PTPDC1: variants seen among roughly 807,000 people sequenced by gnomAD.
The protein encoded by PTPDC1 is protein tyrosine phosphatase domain-containing protein 1.
A neutral mutation model predicts 75.3 loss-of-function variants in PTPDC1; 53 were observed. The ratio of observed to expected loss-of-function variants is 0.70; its 90% confidence interval spans 0.56 to 0.88. PTPDC1 has a LOEUF of 0.88. Ranked by LOEUF, PTPDC1 falls within the 40% of genes least tolerant of loss-of-function variation. The pLI, the probability that PTPDC1 is intolerant of heterozygous loss-of-function variation, is 0.00. For synonymous variants in PTPDC1, 349 were observed against 366.2 expected, an observed-to-expected ratio of 0.95 and a Z score of 0.54; for missense variants, 925 against 998.6, an observed-to-expected ratio of 0.93 and a Z score of 0.99.
intron 1 of PTPDC1, among the ~76,000 whole-genome samples, chr9:94,057,145 T>C (rs558659010): frequency 6.6e-6 from 1 of 152,300 alleles, no homozygotes; most frequent in East Asian, 1.9e-4. Flanking sequence ...CGATTACAGC[T>C]CACCGAGGTT....
At chr9:94,077,023 A>G (rs996714313) in intron 2 of PTPDC1, among the ~76,000 whole-genome samples, 1 of 152,252 alleles carries the variant, frequency 6.6e-6, no homozygotes, top group African/African-American at 2.4e-5. Flanking sequence ...TTTTTAAATT[A>G]TTGAGATATA....
At chr9:94,066,882 TA>T (rs942110117) in intron 2 of PTPDC1, among the ~76,000 whole-genome samples, 22 of 151,882 alleles carry the variant, frequency 1.4e-4, no homozygotes, top group Admixed American at 3.3e-4. Flanking sequence ...AAATAAAAAA[TA>T]AAAAAACTTT....
intron 2 of PTPDC1, among the ~76,000 whole-genome samples, chr9:94,075,404 C>T (rs915080169): frequency 2.0e-4 from 31 of 152,208 alleles, no homozygotes. Flanking sequence ...TCTCCATCCT[C>T]TCTGAAACTG....
upstream of PTPDC1, among the ~76,000 whole-genome samples, chr9:94,083,121 C>A (rs775498521): frequency 6.6e-6 from 1 of 152,184 alleles, no homozygotes; most frequent in Non-Finnish European, 1.5e-5. Flanking sequence ...ACACAGATAG[C>A]AAATACACAG....
chr9:94,098,215 G>T lies in PTPDC1; in HGVS notation c.1649G>T (p.Gly550Val). The T allele has an allele frequency of 6.2e-7, 1 of 1,614,194 alleles. No individual in the cohort carries two copies. Among genetic ancestry groups the T allele is most frequent in the Non-Finnish European group, 8.5e-7 (1 of 1,180,028 alleles). The change falls in exon 6 of 9, where the codon GGC becomes GTC. Residue 550 changes from glycine (G) to valine (V), a missense_variant. Physicochemically the swap from Gly to Val is moderately radical, Grantham distance 109. Coordinates refer to ENST00000620992, the MANE Select transcript of PTPDC1 (RefSeq NM_001253829.2). ...QSGAFSADVS[G>V]SHSPGEPVSP... ...GGAGCTTTCTCTGCAGATGTTTCAG[G>T]CTCACACAGCCCTGGGGAGCCAGTT...
At chr9:94,033,891 T>C (rs1005519786) in intron 1 of PTPDC1, among the ~76,000 whole-genome samples, 7 of 152,216 alleles carry the variant, frequency 4.6e-5, no homozygotes, top group Non-Finnish European at 8.8e-5. Context: ...TAGTTTCTTA[T>C]CAGGTTTTGC....
At chr9:94,051,476 A>G (rs1825790938) in intron 1 of PTPDC1, among the ~76,000 whole-genome samples, 2 of 152,216 alleles carry the variant, frequency 1.3e-5, no homozygotes, top group African/African-American at 4.8e-5. Context: ...AGCCTTACAG[A>G]ATGAATTGGG....
At chr9:94,031,494 A>G (rs886138526) in intron 1 of PTPDC1, among the ~76,000 whole-genome samples, 3 of 152,014 alleles carry the variant, frequency 2.0e-5, no homozygotes, top group Non-Finnish European at 4.4e-5. Context: ...CAAGCAAAAG[A>G]CATTTATAAG....
At chr9:94,103,991 A>G (rs538163194) in intron 7 of PTPDC1, among the ~76,000 whole-genome samples, 1 of 152,374 alleles carries the variant, frequency 6.6e-6, no homozygotes, top group East Asian at 1.9e-4. Flanking sequence ...TATTCAGTTC[A>G]CTGCAAGAGA....
At chr9:94,089,191 C>A in intron 4 of PTPDC1, among the ~76,000 whole-genome samples, 1 of 145,332 alleles carries the variant, frequency 6.9e-6, no homozygotes. Flanking sequence ...AACTCGTCAT[C>A]TAGCATTAGG....
At chr9:94,069,522 C>CTTTTTT (rs564996961) in intron 2 of PTPDC1, among the ~76,000 whole-genome samples, 1 of 135,792 alleles carries the variant, frequency 7.4e-6, no homozygotes, top group Non-Finnish European at 1.6e-5. Flanking sequence ...ACTTCCAATT[C>CTTTTTT]TTTTTTTTTT....
At chr9:94,093,919 T>C (rs1411343265) in intron 4 of PTPDC1, among the ~76,000 whole-genome samples, 3 of 151,410 alleles carry the variant, frequency 2.0e-5, no homozygotes, top group African/African-American at 7.3e-5. Flanking sequence ...TCTCGAGCCT[T>C]GGTTTTCAGC....
At chr9:94,084,433 C>T (rs1366493887), upstream of PTPDC1, 4 of 1,521,002 alleles carry the variant, frequency 2.6e-6, no homozygotes, top group South Asian at 5.1e-5. Context: ...GCTCTTAGAT[C>T]ATACAGAACG....
At chr9:94,049,550 C>A (rs1825722262) in intron 1 of PTPDC1, among the ~76,000 whole-genome samples, 1 of 152,246 alleles carries the variant, frequency 6.6e-6, no homozygotes, top group Non-Finnish European at 1.5e-5. Context: ...CCCCCACTCT[C>A]TTCTGGCTTG....
At chr9:94,059,943 A>G (rs1216770259) in intron 1 of PTPDC1, among the ~76,000 whole-genome samples, 1 of 152,192 alleles carries the variant, frequency 6.6e-6, no homozygotes. Context: ...AACTTTTCAG[A>G]TAAGGAAGGT....
chr9:94,094,141 G>C (rs1247800025), intron 4 of PTPDC1, among the ~76,000 whole-genome samples: 3 of 152,292 alleles, frequency 2.0e-5, no homozygotes, highest in Non-Finnish European at 2.9e-5. Flanking sequence ...CGTTCCTTTG[G>C]AGGAGGAGAG....
chr9:94,038,109 A>T, intron 1 of PTPDC1: 1 of 570,156 alleles, frequency 1.8e-6, no homozygotes. Flanking sequence ...GGAGGCAAGC[A>T]TAAGACTGAG....
intron 1 of PTPDC1, among the ~76,000 whole-genome samples, chr9:94,063,066 G>A (rs968929112): frequency 6.6e-6 from 1 of 152,198 alleles, no homozygotes; most frequent in Non-Finnish European, 1.5e-5. Flanking sequence ...AGAGCAAAGA[G>A]TGAGGGCAGG....
intron 1 of PTPDC1, among the ~76,000 whole-genome samples, chr9:94,048,817 C>T (rs71456485): frequency 6.6e-6 from 1 of 152,022 alleles, no homozygotes; most frequent in African/African-American, 2.4e-5. Context: ...TTAAAGTCTC[C>T]CATTATTATT....
Sources: gnomAD v4.1 joint callset for allele counts (sites outside exome capture counted in the v4.1 genomes callset) on GRCh38, gnomAD v4.1.1 for gene constraint, MANE v1.5 for transcripts, NCBI Gene and HGNC (gene_info 2026-07-23, HGNC 2026-07-21) for gene names.